Variants in RTN4 observed in about 807,000 individuals in gnomAD.
RTN4 encodes the protein reticulon-4.
A neutral mutation model predicts 90.4 loss-of-function variants in RTN4; 32 were observed. The ratio of observed to expected loss-of-function variants is 0.35; its 90% CI spans 0.27 to 0.48. The LOEUF is 0.48. Ranked by LOEUF, RTN4 falls within the 20% of genes least tolerant of loss-of-function variation. The pLI, the probability that RTN4 is intolerant of heterozygous loss-of-function variation, is 0.99. For missense variants in RTN4, 1,706 were observed against 1,430.2 expected (o/e 1.19, Z -3.11); for synonymous variants, 629 against 552.5 (o/e 1.14, Z -1.94).
chr2:54,982,440 G>A (rs1321709559), intron 5 of RTN4, 75 bp downstream of exon 5: 1 of 1,292,940 alleles, frequency 7.7e-7, no homozygotes, highest in African/African-American at 1.5e-5. Context: ...GAATATAGAA[G>A]AACAGAATTT....
chr2:54,991,649 G>A (rs921113820), intron 3 of RTN4, among the ~76,000 whole-genome samples: 1 of 152,258 alleles, frequency 6.6e-6, no homozygotes, highest in South Asian at 2.1e-4. Flanking sequence ...GATCCAAACC[G>A]ATGAAGTTTT....
chr2:55,003,259 T>C (rs1317116686), intron 3 of RTN4, among the ~76,000 whole-genome samples: 1 of 152,200 alleles, frequency 6.6e-6, no homozygotes, highest in African/African-American at 2.4e-5. Flanking sequence ...ATCGAATCAA[T>C]GAACAGTACA....
chr2:54,997,688 T>C (rs1679539868), intron 3 of RTN4, among the ~76,000 whole-genome samples: 1 of 152,114 alleles, frequency 6.6e-6, no homozygotes. Flanking sequence ...CGAAATGAAG[T>C]GCAGTAGTCC....
the RTN4 span, among the ~76,000 whole-genome samples, chr2:55,129,092 A>G: frequency 6.8e-6 from 1 of 147,068 alleles, no homozygotes; most frequent in Non-Finnish European, 1.5e-5. Flanking sequence ...TAGGTGTGAC[A>G]GAGCAAGACT....
chr2:54,986,491 A>T (rs949459030), intron 4 of RTN4, among the ~76,000 whole-genome samples: 1 of 152,216 alleles, frequency 6.6e-6, no homozygotes, highest in Non-Finnish European at 1.5e-5. Flanking sequence ...AGCAGACTGC[A>T]TTTGGCCATG....
Position 55,025,264 on chromosome 2 carries a change from T to A in RTN4, c.2835A>T (p.Thr945=). 6.2e-7 allele frequency: 1 copy of A among 1,613,894 alleles called. No homozygotes were observed. Among genetic ancestry groups the A allele is most frequent in the African/African-American group, 1.3e-5 (1 of 75,022 alleles). ...SDDFSKNGSA[T]SKVLLLPPDV... ...CTGGAGGCAATAAGAGCACCTTTGATGTAGCAGACCCATTTTTAGAAAAGT... is the reference window on the plus strand; with the variant it reads ...CTGGAGGCAATAAGAGCACCTTTGAAGTAGCAGACCCATTTTTAGAAAAGT... The change falls in exon 3 of 9, where the codon ACA becomes ACT. Residue 945 remains threonine (T), a synonymous_variant. Transcript: ENST00000337526.
At chr2:55,033,555 CT>C (rs1364122555) in intron 1 of RTN4, among the ~76,000 whole-genome samples, 2 of 152,134 alleles carry the variant, frequency 1.3e-5, no homozygotes, top group Non-Finnish European at 2.9e-5. Context: ...ACTGACTTCC[CT>C]GTTTCATATG....
chr2:55,001,021 T>C (rs1679816253), intron 3 of RTN4, among the ~76,000 whole-genome samples: 2 of 152,052 alleles, frequency 1.3e-5, no homozygotes, highest in South Asian at 4.1e-4. Flanking sequence ...ATATGAACTA[T>C]AAAAATAGAT....
chr2:55,017,306 G>A (rs1205452945), intron 3 of RTN4, among the ~76,000 whole-genome samples: 2 of 152,064 alleles, frequency 1.3e-5, no homozygotes, highest in Non-Finnish European at 2.9e-5. Context: ...TAAGTCGTAA[G>A]AATATCAAAA....
At chr2:54,981,817 A>ATATCAATCACATACAAGCTAAGAAAC (rs70944201) in intron 5 of RTN4, among the ~76,000 whole-genome samples, 1 of 151,750 alleles carries the variant, frequency 6.6e-6, no homozygotes, top group Non-Finnish European at 1.5e-5. Context: ...TTTCATGTAC[A>ATATCAATCACATACAAGCTAAGAAAC]TAAGTGCTAG....
At chr2:55,053,756 T>A (rs1443689695), upstream of RTN4, among the ~76,000 whole-genome samples, 1 of 152,114 alleles carries the variant, frequency 6.6e-6, no homozygotes, top group Admixed American at 6.5e-5. Flanking sequence ...ATTAAAGTTT[T>A]CAGATACCAC....
chr2:55,066,193 T>TGTGTGTTTGTG (rs1668389176), intron 2 of RTN4, among the ~76,000 whole-genome samples: 2 of 110,944 alleles, frequency 1.8e-5, no homozygotes, highest in African/African-American at 5.5e-5. Context: ...GTGTGTGTGT[T>TGTGTGTTTGTG]TGTGTGTGTG....
intron 2 of RTN4, among the ~76,000 whole-genome samples, chr2:55,070,748 TTTGTTGTTG>T (rs71410417): frequency 6.7e-6 from 1 of 149,416 alleles, no homozygotes; most frequent in African/African-American, 2.5e-5. Flanking sequence ...TGTTTTGATT[TTTGTTGTTG>T]TTGTTGTTGT....
intron 2 of RTN4, among the ~76,000 whole-genome samples, chr2:55,064,061 A>G (rs1404743767): frequency 2.6e-5 from 4 of 151,982 alleles, no homozygotes; most frequent in Non-Finnish European, 4.4e-5. Context: ...TCTCCTCAAA[A>G]AAATTTAAAA....
At chr2:55,008,142 A>AACACACACACACACACACACACACACAC (rs200633765) in intron 3 of RTN4, among the ~76,000 whole-genome samples, 2 of 145,030 alleles carry the variant, frequency 1.4e-5, no homozygotes, top group African/African-American at 5.1e-5. Context: ...TCGGCAAGCA[A>AACACACACACACACACACACACACACAC]ACACACACAC....
intron 1 of RTN4, among the ~76,000 whole-genome samples, chr2:55,098,605 C>A (rs553638179): frequency 6.6e-6 from 1 of 152,162 alleles, no homozygotes; most frequent in South Asian, 2.1e-4. Flanking sequence ...TAACAATAAT[C>A]TCTTAACATC....
At chr2:54,978,779 GA>G (rs1386836873) in intron 5 of RTN4, among the ~76,000 whole-genome samples, 129 of 152,106 alleles carry the variant, frequency 8.5e-4, no homozygotes, top group African/African-American at 3.1e-3. Flanking sequence ...ATTTAAATAA[GA>G]AAAAACATTC....
intron 1 of RTN4, among the ~76,000 whole-genome samples, chr2:55,082,855 G>A (rs927298711): frequency 2.6e-5 from 4 of 152,250 alleles, no homozygotes; most frequent in Non-Finnish European, 4.4e-5. Context: ...TAAAGCGGTT[G>A]AGTAATTTGT....
the RTN4 span, among the ~76,000 whole-genome samples, chr2:55,133,302 A>G: frequency 6.6e-6 from 1 of 152,150 alleles, no homozygotes. Context: ...ACAGGCATGC[A>G]ATGTGAAATA....
Sources: gnomAD v4.1 joint callset for allele counts (sites outside exome capture counted in the v4.1 genomes callset) on GRCh38, gnomAD v4.1.1 for gene constraint, MANE v1.5 for transcripts, NCBI Gene and HGNC (gene_info 2026-07-23, HGNC 2026-07-21) for gene names.